The following FER1L6 variants were observed in gnomAD, a reference collection of about 807,000 sequenced individuals.
FER1L6 encodes the protein fer-1-like protein 6.
In FER1L6, 177 loss-of-function variants were observed where a neutral mutation model predicts 219.2. The observed-to-expected ratio is 0.81, with a 90% confidence interval of 0.71 to 0.91. FER1L6 has a LOEUF of 0.91. Ranked by LOEUF, FER1L6 falls within the 40% of genes least tolerant of loss-of-function variation. The pLI is 0.00. For synonymous variants in FER1L6, 768 were observed against 824.3 expected (o/e 0.93, Z 1.17); for missense variants, 2,153 against 2,259.9 (o/e 0.95, Z 0.96).
rs761313958 is a variant in FER1L6, at chr8:124,069,465, C to A, written c.3824C>A (p.Ala1275Asp). 6.2e-7 allele frequency: 1 copy of A among 1,607,744 alleles called. No homozygotes were observed. The highest frequency in any genetic ancestry group is 1.7e-5 in the Admixed American group (1 of 58,832). The change falls in exon 29 of 41, where the codon GCC (alanine) becomes GAC (aspartate). Residue 1275 changes from alanine to aspartate, a missense_variant. Physicochemically the swap from Ala to Asp is moderately radical, Grantham distance 126 (BLOSUM62 -2). Transcript: ENST00000522917. ...AAAGATGATGGAATCCCCAACCTGG[C>A]CATCTTGCAGGTATGTGGGGACACA... Reference protein sequence around the residue: ...KPKDDGIPNLAILQIYDGDLE... With the variant: ...KPKDDGIPNLDILQIYDGDLE...
At chr8:123,948,779 C>CT (rs71576718) in intron 1 of FER1L6, among the ~76,000 whole-genome samples, 34,595 of 143,510 alleles carry the variant, frequency 0.24, 4,610 homozygotes, top group East Asian at 0.42. Context: ...GGCATCTTGT[C>CT]TTTTTTTTTT....
chr8:124,060,675 C>T lies in FER1L6; in HGVS notation c.3113C>T (p.Pro1038Leu), dbSNP rs758421616. The T allele has an allele frequency of 6.8e-6, 11 of 1,613,912 alleles. No homozygotes were observed. Among genetic ancestry groups the T allele is most frequent in the African/African-American group, 2.7e-5 (2 of 74,896 alleles). Residue 1038 changes from proline to leucine, a missense_variant, in exon 24 of 41, where the codon CCG (proline) becomes CTG (leucine). Coordinates refer to ENST00000522917, the MANE Select transcript of FER1L6 (RefSeq NM_001039112.2). ...GTGATCCAGAGCTACAAGAACAACC[C>T]GAACTTCAGCATCCAGGCAGACGCT... ...SCVIQSYKNN[P>L]NFSIQADAFE...
At chr8:123,924,233 C>CAAAAAAAAA (rs71289625) in intron 1 of FER1L6, among the ~76,000 whole-genome samples, 2 of 66,962 alleles carry the variant, frequency 3.0e-5, no homozygotes, top group Non-Finnish European at 6.0e-5. Context: ...GACTCAGTAT[C>CAAAAAAAAA]AAAAAAAAAA....
chr8:123,878,953 G>A (rs1817058808), intron 1 of FER1L6, among the ~76,000 whole-genome samples: 1 of 152,150 alleles, frequency 6.6e-6, no homozygotes, highest in Non-Finnish European at 1.5e-5. Flanking sequence ...CTTTCTCTCT[G>A]TTAAAAAGTG....
chr8:124,015,059 C>T (rs748711475), intron 15 of FER1L6, among the ~76,000 whole-genome samples: 1 of 152,170 alleles, frequency 6.6e-6, no homozygotes, highest in Non-Finnish European at 1.5e-5. Context: ...TGCCTTGCCA[C>T]GTGAGCCTCT....
intron 10 of FER1L6, among the ~76,000 whole-genome samples, chr8:123,978,803 C>G (rs1257481362): frequency 6.6e-6 from 1 of 152,096 alleles, no homozygotes; most frequent in African/African-American, 2.4e-5. Context: ...CTAACAGATA[C>G]CATAGAGAGG....
chr8:124,106,063 T>C (rs1822758484), intron 39 of FER1L6, among the ~76,000 whole-genome samples: 1 of 152,168 alleles, frequency 6.6e-6, no homozygotes, highest in African/African-American at 2.4e-5. Context: ...AAAGAAGTTC[T>C]GAAATCAAAT....
chr8:124,006,939 G>A (rs2130533708), intron 13 of FER1L6, among the ~76,000 whole-genome samples: 1 of 152,294 alleles, frequency 6.6e-6, no homozygotes, highest in East Asian at 1.9e-4. Context: ...GAAACCTTGA[G>A]ACAAAGCAAA....
chr8:123,973,313 C>T (rs533583485), intron 6 of FER1L6, 121 bp from the exon 7 acceptor site: 5 of 741,742 alleles, frequency 6.7e-6, no homozygotes, highest in African/African-American at 3.4e-5. Flanking sequence ...AGGTCCTTTA[C>T]AGCCTTGTGG....
chr8:124,062,109 C>A, intron 25 of FER1L6, 77 bp downstream of exon 25: 3 of 1,497,442 alleles, frequency 2.0e-6, no homozygotes, highest in South Asian at 1.2e-5. Context: ...GTGGGATTGG[C>A]TCAAAGAGGA....
Position 124,094,994 on chromosome 8 carries a change from G to A in FER1L6, c.4651G>A (p.Glu1551Lys), listed in dbSNP as rs1822214938. The change falls in exon 35 of 41, where the codon GAA (glutamate) becomes AAA (lysine). Residue 1551 changes from glutamate (E) to lysine (K), a missense_variant. By Grantham distance (56) the Glu-to-Lys change is moderately conservative (BLOSUM62 1). Coordinates refer to ENST00000522917, the MANE Select transcript of FER1L6 (RefSeq NM_001039112.2). ...VGCRLVPEHI[E>K]TRPLYHKDKP... ...GTGTAGGCTGGTTCCTGAACACATA[G>A]AAACTCGGCCACTGTACCACAAGGA... 1.9e-6 allele frequency: 3 copies of A among 1,614,020 alleles called. No homozygotes were observed. In the African/African-American group the frequency reaches 4.0e-5, roughly 22 times the overall value.
At chr8:123,880,927 T>C (rs903854702) in intron 1 of FER1L6, among the ~76,000 whole-genome samples, 8 of 152,196 alleles carry the variant, frequency 5.3e-5, no homozygotes, top group African/African-American at 1.4e-4. Context: ...GAACCTCCCC[T>C]GGCCTTTTAC....
intron 22 of FER1L6, among the ~76,000 whole-genome samples, chr8:124,052,865 G>GT (rs1820115575): frequency 6.6e-6 from 1 of 152,086 alleles, no homozygotes; most frequent in South Asian, 2.1e-4. Flanking sequence ...TGTTTCATTG[G>GT]TTTTCTTTTT....
At chr8:123,938,760 C>T (rs956459574) in intron 1 of FER1L6, among the ~76,000 whole-genome samples, 1 of 151,940 alleles carries the variant, frequency 6.6e-6, no homozygotes, top group African/African-American at 2.4e-5. Context: ...TTTGCCCAGG[C>T]TGGCCTCAAA....
intron 20 of FER1L6, among the ~76,000 whole-genome samples, chr8:124,042,232 AT>A (rs1586628532): frequency 6.6e-6 from 1 of 152,220 alleles, no homozygotes; most frequent in East Asian, 1.9e-4. Flanking sequence ...AAAGGAACAG[AT>A]GGCTTTTATT....
chr8:123,919,343 A>T (rs1813289680), intron 1 of FER1L6, among the ~76,000 whole-genome samples: 1 of 152,140 alleles, frequency 6.6e-6, no homozygotes, highest in Non-Finnish European at 1.5e-5. Context: ...TGTAGGGAGG[A>T]CTTGCTTTGC....
chr8:123,950,662 T>A (rs1453735526), intron 1 of FER1L6, among the ~76,000 whole-genome samples: 4 of 152,184 alleles, frequency 2.6e-5, no homozygotes, highest in Admixed American at 6.5e-5. Flanking sequence ...GTTTGTTGAG[T>A]TGTGATATTT....
chr8:123,898,781 G>C (rs796568647), intron 1 of FER1L6, among the ~76,000 whole-genome samples: 1 of 135,844 alleles, frequency 7.4e-6, no homozygotes, highest in East Asian at 2.1e-4. Flanking sequence ...GTATATATAC[G>C]TATGTACATA....
At chr8:124,025,776 T>G (rs1818681382) in intron 18 of FER1L6, among the ~76,000 whole-genome samples, 5 of 152,348 alleles carry the variant, frequency 3.3e-5, no homozygotes, top group Middle Eastern at 3.4e-3. Context: ...AGTATGCTTA[T>G]TTTCATGATA....
Sources: allele counts gnomAD v4.1 joint callset (sites outside exome capture counted in the v4.1 genomes callset), GRCh38; gene constraint gnomAD v4.1.1; transcripts MANE v1.5; gene names NCBI Gene and HGNC (gene_info 2026-07-23, HGNC 2026-07-21).